The following BSN variants were observed in gnomAD, a reference collection of about 807,000 sequenced individuals.
The protein encoded by BSN is protein bassoon.
BSN carries 57 observed loss-of-function variants against 264.8 expected under a neutral mutation model. That is an observed-to-expected ratio of 0.22 (90% CI 0.17 to 0.27). BSN has a LOEUF of 0.27. Among genes scored for constraint, BSN ranks in the 10% least tolerant of loss-of-function variants. The probability of loss-of-function intolerance (pLI) is 1.00; values close to 1 mark genes in which losing one functional copy is unlikely to be tolerated. For synonymous variants in BSN, 2,059 were observed against 2,137.3 expected (o/e 0.96, Z 1.01); for missense variants, 4,615 against 5,232.5 (o/e 0.88, Z 3.64).
At chr3:49,600,910 G>A (rs2052068659) in intron 1 of BSN, among the ~76,000 whole-genome samples, 2 of 152,166 alleles carry the variant, frequency 1.3e-5, no homozygotes, top group Middle Eastern at 3.2e-3. Flanking sequence ...TGGAGGAGGG[G>A]AGCCTGTAGC....
At chr3:49,649,087 C>A (rs2052519969) in intron 3 of BSN, among the ~76,000 whole-genome samples, 1 of 151,646 alleles carries the variant, frequency 6.6e-6, no homozygotes, top group Non-Finnish European at 1.5e-5. Flanking sequence ...GGACAGCAAA[C>A]CAGGGCAGAA....
intron 2 of BSN, among the ~76,000 whole-genome samples, chr3:49,626,600 T>C (rs2052342613): frequency 6.6e-6 from 1 of 152,248 alleles, no homozygotes; most frequent in South Asian, 2.1e-4. Flanking sequence ...TTCAGTTAGG[T>C]AAGTGCTTGC....
chr3:49,631,266 C>T (rs2052382416), intron 2 of BSN, among the ~76,000 whole-genome samples: 1 of 151,832 alleles, frequency 6.6e-6, no homozygotes. Flanking sequence ...GACAAGATTC[C>T]TGGGGGTAGT....
chr3:49,621,933 A>C (rs932410364), intron 1 of BSN, among the ~76,000 whole-genome samples: 1 of 152,124 alleles, frequency 6.6e-6, no homozygotes, highest in African/African-American at 2.4e-5. Flanking sequence ...AAAGAAGAGG[A>C]GAGAAATGGG....
intron 1 of BSN, among the ~76,000 whole-genome samples, chr3:49,582,549 G>A (rs2051902328): frequency 6.6e-6 from 1 of 152,172 alleles, no homozygotes; most frequent in African/African-American, 2.4e-5. Flanking sequence ...GGCCTGTTTA[G>A]GGTTATCTAC....
Position 49,654,378 on chromosome 3 carries a change from G to A in BSN, c.4822G>A (p.Glu1608Lys). Residue 1608 changes from glutamate (E) to lysine (K), a missense_variant, in exon 5 of 12, where the codon GAG (glutamate) becomes AAG (lysine). Coordinates refer to ENST00000296452, the MANE Select transcript of BSN (RefSeq NM_003458.4). This position sits in a 1 kb window ranked among gnomAD's most constrained non-coding sequence, Gnocchi z 4.1. The part of the protein sequence containing the change: ...TPPSVSQLPP[E>K]PPGPPGFPRV... ...TCCGAGTGTGTCTCAGCTGCCCCCA[G>A]AGCCACCTGGGCCACCTGGCTTTCC... The A allele has an allele frequency of 6.2e-7, 1 of 1,608,492 alleles. No homozygotes were observed. Among genetic ancestry groups the A allele is most frequent in the Middle Eastern group, 1.7e-4 (1 of 6,020 alleles).
In BSN at chr3:49,654,828, C is replaced by G. The variant is rs138595442; in HGVS notation, c.5272C>G (p.Arg1758Gly). ...PVVYGDPYQS[R>G]LDFGQGGGSP... ...GGTCTATGGAGACCCCTACCAGAGC[C>G]GCCTTGACTTTGGCCAGGGTGGGGG... Residue 1758 changes from arginine to glycine, a missense_variant, in exon 5 of 12, where the codon CGC becomes GGC. Arg to Gly is a moderately radical substitution (Grantham distance 125). Coordinates refer to ENST00000296452, the MANE Select transcript of BSN (RefSeq NM_003458.4). The surrounding 1 kb of genome is among the most constrained non-coding windows in gnomAD (Gnocchi z 4.1). The G allele has an allele frequency of 1.2e-6, 2 of 1,613,548 alleles. No homozygotes were observed. The highest frequency in any genetic ancestry group is 1.7e-6 in the Non-Finnish European group (2 of 1,180,000).
At chr3:49,592,304 T>G (rs1420808189) in intron 1 of BSN, among the ~76,000 whole-genome samples, 1 of 150,230 alleles carries the variant, frequency 6.7e-6, no homozygotes, top group Non-Finnish European at 1.5e-5. Flanking sequence ...GACACGGGGT[T>G]TCGCCATGTT....
At chr3:49,630,948 A>G (rs1172859709) in intron 2 of BSN, among the ~76,000 whole-genome samples, 2 of 151,834 alleles carry the variant, frequency 1.3e-5, no homozygotes, top group African/African-American at 2.4e-5. Flanking sequence ...TGCTGCTTCT[A>G]CTCTTTATTT....
In BSN at chr3:49,655,885, A is replaced by G; in HGVS notation, c.6329A>G (p.Gln2110Arg). Residue 2110 changes from glutamine (Q) to arginine (R), a missense_variant, in exon 5 of 12, where the codon CAG becomes CGG. Around this residue, in one of 3 missense-constraint regions of BSN, gnomAD observed 3,415 missense variants for 3,866.4 expected, o/e 0.88. Transcript: ENST00000296452. ...TGCGCTGCCCTCAACTCCATGGACC[A>G]GTATGGTGGGCGGCATGGCAGTGGT... The part of the protein sequence containing the change: ...RMCAALNSMD[Q>R]YGGRHGSGGG... 1 of 1,612,854 alleles carries G rather than the reference A, an allele frequency of 6.2e-7. No homozygotes were observed. The highest frequency in any genetic ancestry group is 8.5e-7 in the Non-Finnish European group (1 of 1,179,970).
In BSN at chr3:49,657,418, A is replaced by T; in HGVS notation, c.7862A>T (p.Glu2621Val). 1 of 1,613,000 alleles carries T rather than the reference A, an allele frequency of 6.2e-7. No homozygotes were observed. The highest frequency in any genetic ancestry group is 8.5e-7 in the Non-Finnish European group (1 of 1,179,950). ...CAGACGGACGACGAAGACAGTGCTG[A>T]GTGGGAGCAGCCAGTGCGCCGCCGC... ...SVQTDDEDSA[E>V]WEQPVRRRRS... Residue 2621 changes from glutamate (E) to valine (V), a missense_variant, in exon 5 of 12, where the codon GAG (glutamate) becomes GTG (valine). Physicochemically the swap from Glu to Val is moderately radical, Grantham distance 121 (BLOSUM62 -2). Transcript: ENST00000296452.
At chr3:49,609,173 C>T (rs1451746238) in intron 1 of BSN, among the ~76,000 whole-genome samples, 1 of 144,876 alleles carries the variant, frequency 6.9e-6, no homozygotes, top group East Asian at 2.1e-4. Flanking sequence ...GCAATCATAG[C>T]TTACTGCAAC....
chr3:49,573,599 A>C (rs1223700551), intron 1 of BSN, among the ~76,000 whole-genome samples: 1 of 151,642 alleles, frequency 6.6e-6, no homozygotes, highest in East Asian at 1.9e-4. Flanking sequence ...GAGGGCACCA[A>C]AATAGTTGTT....
At chr3:49,602,651 G>T (rs1237324999) in intron 1 of BSN, among the ~76,000 whole-genome samples, 1 of 151,956 alleles carries the variant, frequency 6.6e-6, no homozygotes. Context: ...TCACCATGTT[G>T]GCCAGGCTGG....
Position 49,668,410 on chromosome 3 carries a change from GT to G in BSN, c.*928del, listed in dbSNP as rs1420245527. 1 of 152,562 alleles carries G rather than the reference GT, an allele frequency of 6.6e-6. No individual in the cohort carries two copies. The highest frequency in any genetic ancestry group is 1.5e-5 in the Non-Finnish European group (1 of 68,030). The allele number at this position is 152,562 out of a possible 1,614,324, so 9.5% of individuals were successfully genotyped here. A position where few individuals can be genotyped will look rare whatever the true frequency, so the allele number is the denominator to read the frequency against. ...TATACCTCATAAACATTTTTCTTTTGTTTCTCTCTCCCCCTTTCTCTCTTCT... is the reference window on the plus strand; with the variant it reads ...TATACCTCATAAACATTTTTCTTTTGTTCTCTCTCCCCCTTTCTCTCTTCT... On this transcript the variant is annotated 3_prime_UTR_variant, in exon 12 of 12. Transcript: ENST00000296452.
In BSN at chr3:49,662,943, C is replaced by T; in HGVS notation, c.10785C>T (p.Phe3595=). 6.2e-7 allele frequency: 1 copy of T among 1,613,910 alleles called. No individual in the cohort carries two copies. Among genetic ancestry groups the T allele is most frequent in the Non-Finnish European group, 8.5e-7 (1 of 1,179,892 alleles). ...DKPRDARSDR[F]RHHGGHAVSS... ...CCCGGGATGCCCGCTCTGACCGGTT[C>T]AGGCACCACGGGGGCCATGCAGTTT... is the stretch of plus-strand genomic sequence containing the variant. Residue 3595 remains phenylalanine (F), a synonymous_variant, in exon 7 of 12, where the codon TTC becomes TTT. Coordinates refer to ENST00000296452, the MANE Select transcript of BSN (RefSeq NM_003458.4).
Position 49,606,227 on chromosome 3 carries a change from C to CGT in BSN, c.225-18748_225-18747insGT, listed in dbSNP as rs1489673636. Among the ~76,000 whole-genome samples, 29 of 13,686 alleles carry CGT rather than the reference C, an allele frequency of 2.1e-3. 2 individuals carry two copies. The highest frequency in any genetic ancestry group is 8.2e-3 in the African/African-American group (29 of 3,524). 9.0% of individuals were successfully genotyped at this position (13,686 alleles called of 152,430 possible). ...ATTATATATGTATATATTATATATA[C>CGT]ATATATTATATATGTATATATTATA... On this transcript the variant is annotated intron_variant, in intron 1 of 11. Transcript: ENST00000296452.
chr3:49,574,954 A>G (rs2051831365), intron 1 of BSN, among the ~76,000 whole-genome samples: 1 of 151,696 alleles, frequency 6.6e-6, no homozygotes, highest in East Asian at 1.9e-4. Flanking sequence ...CCTTTTTTAT[A>G]TTACTCTTCT....
At chr3:49,596,140 C>T (rs1406052544) in intron 1 of BSN, among the ~76,000 whole-genome samples, 1 of 152,118 alleles carries the variant, frequency 6.6e-6, no homozygotes, top group Non-Finnish European at 1.5e-5. Flanking sequence ...TGTGGTGGCT[C>T]ATGCCTGTAA....
Sources: allele counts gnomAD v4.1 joint callset (sites outside exome capture counted in the v4.1 genomes callset), GRCh38; gene constraint gnomAD v4.1.1; regional missense constraint gnomAD v4.1.1; non-coding constraint Gnocchi (gnomAD v3.1); transcripts MANE v1.5; gene names NCBI Gene and HGNC (gene_info 2026-07-23, HGNC 2026-07-21).